Variants in GRIK3 observed in about 807,000 individuals in gnomAD.
The protein encoded by GRIK3 is glutamate receptor ionotropic, kainate 3.
Under a neutral mutation model 102.5 loss-of-function variants are expected in GRIK3, and 29 were observed. That is an observed-to-expected ratio of 0.28 (90% CI 0.21 to 0.39). GRIK3 has a LOEUF of 0.39. GRIK3 is among the 10% of genes least tolerant of loss of function. The pLI, the probability that GRIK3 is intolerant of heterozygous loss-of-function variation, is 1.00. For missense variants in GRIK3, 908 were observed against 1,252.4 expected, an observed-to-expected ratio of 0.73 and a Z score of 4.15; for synonymous variants, 511 against 504.9, an observed-to-expected ratio of 1.01 and a Z score of -0.16.
intron 1 of GRIK3, among the ~76,000 whole-genome samples, chr1:36,930,956 C>T (rs1288788031): frequency 6.6e-6 from 1 of 152,206 alleles, no homozygotes; most frequent in Non-Finnish European, 1.5e-5. Flanking sequence ...TCCTGAGATA[C>T]CTGCTGACCC....
At chr1:36,997,412 C>T (rs992039953) in intron 1 of GRIK3, among the ~76,000 whole-genome samples, 11 of 152,336 alleles carry the variant, frequency 7.2e-5, no homozygotes, top group African/African-American at 2.6e-4. Context: ...AGTAAAGCTG[C>T]AGCAAACACT....
At chr1:36,929,858 G>A (rs1641568831) in intron 1 of GRIK3, among the ~76,000 whole-genome samples, 1 of 152,262 alleles carries the variant, frequency 6.6e-6, no homozygotes. Flanking sequence ...TCTTGCAGGA[G>A]CTGCAGTCAA....
intron 7 of GRIK3, among the ~76,000 whole-genome samples, chr1:36,856,638 C>T (rs1640656331): frequency 6.6e-6 from 1 of 152,148 alleles, no homozygotes; most frequent in African/African-American, 2.4e-5. Flanking sequence ...CTATTCTGGG[C>T]CTTAGCCATG....
intron 2 of GRIK3, among the ~76,000 whole-genome samples, chr1:36,881,941 T>G (rs1159881234): frequency 6.6e-6 from 1 of 152,154 alleles, no homozygotes; most frequent in African/African-American, 2.4e-5. Flanking sequence ...CCTGCCTATT[T>G]GCACGTGCTG....
intron 2 of GRIK3, among the ~76,000 whole-genome samples, chr1:36,881,844 A>G (rs922312116): frequency 2.6e-5 from 4 of 152,026 alleles, no homozygotes; most frequent in African/African-American, 9.7e-5. Flanking sequence ...CACTTTTCTG[A>G]CTTCGTCTCC....
In GRIK3 at chr1:37,027,189, G is replaced by A. The variant is rs145979587; in HGVS notation, c.115+6805C>T. Among the ~76,000 whole-genome samples, 824 of 152,234 alleles carry A rather than the reference G, an allele frequency of 5.4e-3. 6 individuals are homozygous for A. The highest frequency in any genetic ancestry group is 0.018 in the African/African-American group (744 of 41,542). On this transcript the variant is annotated intron_variant, in intron 1 of 15. Transcript: ENST00000373091. ...GCTGTGACTAGGGAGAGGCAGTGTG[G>A]ACCCTGGAGGCGATTTCCAAAGGAA...
intron 3 of GRIK3, among the ~76,000 whole-genome samples, chr1:36,879,695 C>T (rs891125011): frequency 6.6e-6 from 1 of 152,094 alleles, no homozygotes; most frequent in African/African-American, 2.4e-5. Flanking sequence ...GAAGGCAGGG[C>T]AGGAGTGGGT....
intron 9 of GRIK3, among the ~76,000 whole-genome samples, chr1:36,848,337 T>C (rs1028656881): frequency 1.3e-5 from 2 of 152,210 alleles, no homozygotes; most frequent in African/African-American, 4.8e-5. Context: ...CTTCCTAATC[T>C]CTTAAATCAT....
At chr1:36,893,612 C>A (rs1453893163) in intron 1 of GRIK3, among the ~76,000 whole-genome samples, 2 of 152,018 alleles carry the variant, frequency 1.3e-5, no homozygotes, top group African/African-American at 2.4e-5. Context: ...AAATGTATAC[C>A]CAGCCTGTTG....
intron 1 of GRIK3, among the ~76,000 whole-genome samples, chr1:36,947,328 G>A (rs770217886): frequency 7.2e-5 from 11 of 151,976 alleles, no homozygotes; most frequent in Non-Finnish European, 1.3e-4. Flanking sequence ...CCTGCACCCA[G>A]GCCTGGCATC....
chr1:36,848,242 T>C (rs1237608140), intron 9 of GRIK3, among the ~76,000 whole-genome samples: 1 of 152,218 alleles, frequency 6.6e-6, no homozygotes, highest in Non-Finnish European at 1.5e-5. Context: ...TTTTGTATCC[T>C]TTTGGTATAT....
At chr1:36,862,962 A>T (rs996518076) in intron 5 of GRIK3, among the ~76,000 whole-genome samples, 7 of 152,004 alleles carry the variant, frequency 4.6e-5, no homozygotes, top group African/African-American at 1.7e-4. Context: ...TTCCTACCTT[A>T]CTCGTCTTGG....
chr1:36,855,705 C>G (rs1359702589), intron 7 of GRIK3, among the ~76,000 whole-genome samples: 2 of 152,252 alleles, frequency 1.3e-5, no homozygotes, highest in African/African-American at 4.8e-5. Context: ...ATTTCTCCTT[C>G]GTGGCTTCCA....
chr1:36,907,181 C>T (rs1325891837), intron 1 of GRIK3, among the ~76,000 whole-genome samples: 2 of 152,060 alleles, frequency 1.3e-5, no homozygotes, highest in East Asian at 3.9e-4. Context: ...AGGAAAAGCA[C>T]CTCAGGGCCT....
chr1:36,881,787 C>A (rs181931103), intron 2 of GRIK3, among the ~76,000 whole-genome samples: 203 of 152,292 alleles, frequency 1.3e-3, no homozygotes, highest in Non-Finnish European at 2.2e-3. Context: ...ATAGCAGTGG[C>A]CAGAGATCCT....
chr1:36,846,093 G>A (rs1474103848), intron 9 of GRIK3, among the ~76,000 whole-genome samples: 2 of 152,218 alleles, frequency 1.3e-5, no homozygotes, highest in African/African-American at 2.4e-5. Context: ...CCCAAGAGTG[G>A]GCCGGGTGTG....
intron 10 of GRIK3, among the ~76,000 whole-genome samples, chr1:36,833,254 C>A (rs1640331966): frequency 6.6e-6 from 1 of 152,188 alleles, no homozygotes; most frequent in Non-Finnish European, 1.5e-5. Context: ...CTGATCCTGT[C>A]CCCTGCCTGC....
At chr1:36,817,910 A>AG (rs893080971) in intron 12 of GRIK3, among the ~76,000 whole-genome samples, 1 of 152,196 alleles carries the variant, frequency 6.6e-6, no homozygotes, top group African/African-American at 2.4e-5. Flanking sequence ...GCTTTGCAGG[A>AG]GGGGAAAAAA....
rs1260717198 is a variant in GRIK3, at chr1:36,830,325, A to G, written c.1531-4499T>C. Among the ~76,000 whole-genome samples, 4 of 149,800 alleles carry G rather than the reference A, an allele frequency of 2.7e-5. No homozygotes were observed. The East Asian group carries it at 7.7e-4, about 29-fold the overall frequency. On this transcript the variant is annotated intron_variant, in intron 10 of 15. Transcript: ENST00000373091. Reference sequence around the variant, plus strand: ...TCAAAGCCCAACATTTTACCACTCTACCATGCAAGCCACATGTAGTGGATT... The same window carrying G: ...TCAAAGCCCAACATTTTACCACTCTGCCATGCAAGCCACATGTAGTGGATT...
Sources: gnomAD v4.1 joint callset for allele counts (sites outside exome capture counted in the v4.1 genomes callset) on GRCh38, gnomAD v4.1.1 for gene constraint, MANE v1.5 for transcripts, NCBI Gene and HGNC (gene_info 2026-07-23, HGNC 2026-07-21) for gene names.